LCMT1: variants seen among roughly 807,000 people sequenced by gnomAD.
LCMT1 encodes [Phosphatase 2A protein]-leucine-carboxy methyltransferase 1.
A neutral mutation model predicts 47.7 loss-of-function variants in LCMT1; 32 were observed. The observed-to-expected ratio is 0.67, with a 90% CI of 0.51 to 0.90. The LOEUF (loss-of-function observed/expected upper bound fraction) is 0.90, where lower values mean the gene tolerates loss of function less well. LCMT1 is among the 40% of genes least tolerant of loss of function. LCMT1 has a pLI of 0.00. For missense variants in LCMT1, 375 were observed against 415.2 expected (o/e 0.90, Z 0.84); for synonymous variants, 152 against 149.7 (o/e 1.02, Z -0.11).
intron 1 of LCMT1, among the ~76,000 whole-genome samples, chr16:25,123,600 C>CTTTTTTTT (rs1173228613): frequency 2.2e-4 from 14 of 63,486 alleles, no homozygotes; most frequent in East Asian, 4.8e-4. Flanking sequence ...AAATTGCTTT[C>CTTTTTTTT]TTTTTTTTTT....
At chr16:25,135,856 C>T (rs555664953) in intron 3 of LCMT1, among the ~76,000 whole-genome samples, 3 of 152,026 alleles carry the variant, frequency 2.0e-5, no homozygotes, top group South Asian at 2.1e-4. Context: ...TTTGGGATGC[C>T]GAGGTGGTTG....
chr16:25,176,706 C>A (rs182098259), intron 10 of LCMT1, among the ~76,000 whole-genome samples: 13 of 150,140 alleles, frequency 8.7e-5, no homozygotes, highest in South Asian at 4.2e-4. Context: ...GGATTACAGG[C>A]GTCCACCACC....
intron 8 of LCMT1, 53 bp downstream of exon 8, chr16:25,169,266 T>C (rs1363331952): frequency 1.7e-6 from 2 of 1,168,024 alleles, no homozygotes; most frequent in Non-Finnish European, 2.6e-6. Flanking sequence ...AACCAAGATA[T>C]ATAAAGGTCT....
intron 4 of LCMT1, among the ~76,000 whole-genome samples, chr16:25,148,547 C>T (rs1002450183): frequency 1.3e-5 from 2 of 151,944 alleles, no homozygotes; most frequent in East Asian, 1.9e-4. Context: ...CCGTCCTGCA[C>T]GGGTGTCTGT....
At chr16:25,124,108 A>G (rs1357307708) in intron 1 of LCMT1, among the ~76,000 whole-genome samples, 1 of 152,248 alleles carries the variant, frequency 6.6e-6, no homozygotes, top group Non-Finnish European at 1.5e-5. Context: ...ATCCTAGGAA[A>G]GGACATCTGT....
intron 7 of LCMT1, among the ~76,000 whole-genome samples, chr16:25,166,269 CA>C (rs371727353): frequency 2.1e-3 from 199 of 96,292 alleles, no homozygotes; most frequent in Admixed American, 2.1e-3. Flanking sequence ...GACGCCATCT[CA>C]AAAAAAAAAA....
intron 4 of LCMT1, among the ~76,000 whole-genome samples, chr16:25,150,825 T>A (rs1961056361): frequency 6.6e-6 from 1 of 152,200 alleles, no homozygotes; most frequent in African/African-American, 2.4e-5. Flanking sequence ...TTTTTCTAGA[T>A]CCATGAAAAT....
chr16:25,131,798 C>T (rs1419544128), intron 2 of LCMT1, among the ~76,000 whole-genome samples: 1 of 152,154 alleles, frequency 6.6e-6, no homozygotes, highest in East Asian at 1.9e-4. Flanking sequence ...GTCTATCCTC[C>T]CAAGAAGCTG....
At chr16:25,144,428 A>G (rs145887478) in intron 4 of LCMT1, 3 of 152,352 alleles carry the variant, frequency 2.0e-5, no homozygotes, top group Non-Finnish European at 4.4e-5. Flanking sequence ...TGCCATCAGG[A>G]TATCATTCCG....
Position 25,111,855 on chromosome 16 carries a change from G to A in LCMT1, c.-29G>A, listed in dbSNP as rs1299491329. On this transcript the variant is annotated 5_prime_UTR_variant, in exon 1 of 11. Coordinates refer to ENST00000399069, the MANE Select transcript of LCMT1 (RefSeq NM_016309.3). ...TCGACCCCGCTTCCATGTCCCTGGC[G>A]GACACAGCTCCCAGGAACCTCCACG... 3 of 1,500,418 alleles carry A rather than the reference G, an allele frequency of 2.0e-6. No individual in the cohort carries two copies. Among genetic ancestry groups the A allele is most frequent in the African/African-American group, 2.8e-5 (2 of 72,440 alleles). 92.9% of individuals were successfully genotyped at this position (1,500,418 alleles called of 1,614,324 possible). A position where few individuals can be genotyped will look rare whatever the true frequency, so the allele number is the denominator to read the frequency against.
chr16:25,143,922 A>G (rs915401231), intron 4 of LCMT1: 5 of 152,212 alleles, frequency 3.3e-5, no homozygotes, highest in African/African-American at 1.2e-4. Flanking sequence ...TTTTCCTGGT[A>G]CCCCTGCCCC....
chr16:25,120,904 A>G lies in LCMT1; in HGVS notation c.114-7571A>G, dbSNP rs368596731. ...GCTGGGACTGTAGGAGTGCATCACCAGGCCTGGCTGATTTTGTATTTTTTT... is the reference window on the plus strand; with the variant it reads ...GCTGGGACTGTAGGAGTGCATCACCGGGCCTGGCTGATTTTGTATTTTTTT... On this transcript the variant is annotated intron_variant, in intron 1 of 10. Coordinates refer to ENST00000399069, the MANE Select transcript of LCMT1 (RefSeq NM_016309.3). Among the ~76,000 whole-genome samples the G allele has an allele frequency of 5.1e-4, 75 of 147,726 alleles. No individual in the cohort carries two copies. In the East Asian group the frequency reaches 0.011, roughly 22 times the overall value.
At chr16:25,143,681 G>A (rs1050146137) in intron 4 of LCMT1, 7 of 152,208 alleles carry the variant, frequency 4.6e-5, no homozygotes, top group African/African-American at 1.7e-4. Context: ...ACCAGTTTAA[G>A]TCAAGAAGGG....
chr16:25,115,792 T>C (rs574105018), intron 1 of LCMT1, among the ~76,000 whole-genome samples: 2 of 152,216 alleles, frequency 1.3e-5, no homozygotes, highest in Admixed American at 1.3e-4. Flanking sequence ...ATTCTCCCAC[T>C]TCAGCCTCCC....
chr16:25,117,500 T>C (rs933543864), intron 1 of LCMT1, among the ~76,000 whole-genome samples: 17 of 152,294 alleles, frequency 1.1e-4, no homozygotes, highest in African/African-American at 3.6e-4. Flanking sequence ...TATCAGCTCC[T>C]CGTGTTCTCC....
intron 1 of LCMT1, among the ~76,000 whole-genome samples, chr16:25,125,773 A>C (rs1597564606): frequency 6.6e-6 from 1 of 151,744 alleles, no homozygotes; most frequent in Admixed American, 6.6e-5. Flanking sequence ...CGGGGGTTGC[A>C]GTGAGCCGAG....
At position 25,150,418 on chromosome 16, in the gene LCMT1, C is replaced by T. The variant is rs139595032; in HGVS notation, c.405-1136C>T. ...GGAGTGCAATGGCACGATCTCAGCT[C>T]ACCGCAACCTCCGCCTCCTAGGTGC... On this transcript the variant is annotated intron_variant, in intron 4 of 10. Coordinates refer to ENST00000399069, the MANE Select transcript of LCMT1 (RefSeq NM_016309.3). 4.1e-3 allele frequency among the ~76,000 whole-genome samples: 594 copies of T among 143,250 alleles called. 2 individuals carry two copies. The highest frequency in any genetic ancestry group is 0.014 in the African/African-American group (541 of 38,794). The allele number at this position is 143,250 out of a possible 152,430, so 94.0% of individuals were successfully genotyped here. A position where few individuals can be genotyped will look rare whatever the true frequency, so the allele number is the denominator to read the frequency against.
chr16:25,174,455 A>G (rs746248205), intron 9 of LCMT1, among the ~76,000 whole-genome samples: 1 of 152,204 alleles, frequency 6.6e-6, no homozygotes, highest in Non-Finnish European at 1.5e-5. Flanking sequence ...GTGGTGTAAT[A>G]TGCACATTAC....
intron 1 of LCMT1, chr16:25,125,917 A>G: frequency 9.7e-7 from 1 of 1,031,012 alleles, no homozygotes; most frequent in Non-Finnish European, 1.2e-6. Flanking sequence ...CTTACTTTCC[A>G]ACTGATGTCC....
Sources: allele counts gnomAD v4.1 joint callset (sites outside exome capture counted in the v4.1 genomes callset), GRCh38; gene constraint gnomAD v4.1.1; transcripts MANE v1.5; gene names NCBI Gene and HGNC (gene_info 2026-07-23, HGNC 2026-07-21).